CELF3: variants seen among roughly 807,000 people sequenced by gnomAD.
The protein encoded by CELF3 is CUGBP Elav-like family member 3, also known as CAG repeat domain.
In CELF3, 26 loss-of-function variants were observed where a neutral mutation model predicts 59.6. The observed-to-expected ratio is 0.44, with a 90% CI of 0.32 to 0.61. CELF3 has a LOEUF of 0.61. CELF3 is among the 20% of genes least tolerant of loss of function. The probability of loss-of-function intolerance (pLI) is 0.06; values close to 1 mark genes in which losing one functional copy is unlikely to be tolerated. For missense variants in CELF3, 387 were observed against 627.2 expected (o/e 0.62, Z 4.09); for synonymous variants, 245 against 250.7 (o/e 0.98, Z 0.22).
In CELF3 at chr1:151,709,848, C is replaced by T. The variant is rs1264650526; in HGVS notation, c.229-57G>A. 4.5e-6 allele frequency: 7 copies of T among 1,557,556 alleles called. No individual in the cohort carries two copies. The Admixed American group carries it at 1.2e-4, about 26-fold the overall frequency. ...GACCTCCTCTGAACACCCAAGAGCC[C>T]TCCCAGGCCAGGCCCTGCAGAGAGA... On this transcript the variant is annotated intron_variant, in intron 2 of 12. Transcript: ENST00000290583. The surrounding 1 kb of genome is among the most constrained non-coding windows in gnomAD (Gnocchi z 4.9).
Position 151,707,631 on chromosome 1 carries a change from C to T in CELF3, c.648G>A (p.Ala216=), listed in dbSNP as rs749415167. The T allele has an allele frequency of 3.6e-5, 58 of 1,606,678 alleles. No individual in the cohort carries two copies. The highest frequency in any genetic ancestry group is 6.6e-5 in the South Asian group (6 of 90,346). The change falls in exon 7 of 13, where the codon GCG becomes GCA. Residue 216 remains alanine (A), a synonymous_variant. Transcript: ENST00000290583. ...AGGCACTGTGAGCCGCTACCAGGGC[C>T]GCCTGCTGCTGCATCAGCTGGGGGG... ...AYTQALMQQQ[A]ALVAAHSAYL...
In CELF3 at chr1:151,707,263, C is replaced by A. The variant is rs138688122; in HGVS notation, c.804G>T (p.Thr268=). 8 of 1,568,502 alleles carry A rather than the reference C, an allele frequency of 5.1e-6. No individual in the cohort carries two copies. Among genetic ancestry groups the A allele is most frequent in the Admixed American group, 3.9e-5 (2 of 51,162 alleles). The change falls in exon 8 of 13, where the codon ACG becomes ACT. Residue 268 remains threonine, a synonymous_variant. Coordinates refer to ENST00000290583, the MANE Select transcript of CELF3 (RefSeq NM_007185.7). The part of the protein sequence containing the change: ...GTSTPPAIAA[T]PVSAIPAALG... ...GGGCAGCCGGAATGGCAGAGACAGG[C>A]GTGGCAGCGATGGCAGGAGGGGTGC...
rs1229428502 is a variant in CELF3, at chr1:151,705,175, T to A, written c.1271-7A>T. On this transcript the variant is annotated splice_polypyrimidine_tract_variant and splice_region_variant and intron_variant, in intron 11 of 12. Transcript: ENST00000290583. This position sits in a 1 kb window ranked among gnomAD's most constrained non-coding sequence, Gnocchi z 5.1. ...TTGTCGAAACTCACAAAGCCTGGGG[T>A]GAGAGGGGCATAAGGCCCGGCCCAG... 5.0e-6 allele frequency: 8 copies of A among 1,610,912 alleles called. No homozygotes were observed. Among genetic ancestry groups the A allele is most frequent in the Non-Finnish European group, 6.8e-6 (8 of 1,177,910 alleles).
In CELF3 at chr1:151,703,107, G is replaced by C; in HGVS notation, c.*352C>G. On this transcript the variant is annotated 3_prime_UTR_variant, in exon 13 of 13. Transcript: ENST00000290583. ...CCTGGGGCCTGCACGGGTAGAACAG[G>C]CCCACTGTTGGGGGAGGCAAGTACA... The C allele has an allele frequency of 2.2e-6, 1 of 456,920 alleles. No individual in the cohort carries two copies. The highest frequency in any genetic ancestry group is 4.4e-6 in the Non-Finnish European group (1 of 227,176). The allele number at this position is 456,920 out of a possible 1,614,324, so 28.3% of individuals were successfully genotyped here. A position where few individuals can be genotyped will look rare whatever the true frequency, so the allele number is the denominator to read the frequency against.
At position 151,706,214 on chromosome 1, in the gene CELF3, C is replaced by A; in HGVS notation, c.1126+10G>T. On this transcript the variant is annotated intron_variant, in intron 10 of 12. Transcript: ENST00000290583. ...AGGGCATTCCTGTCTCCCAAGGCCC[C>A]AGCCAGCACCTTCTCTTTGCTGCTG... The A allele has an allele frequency of 6.2e-7, 1 of 1,611,240 alleles. No homozygotes were observed. Among genetic ancestry groups the A allele is most frequent in the African/African-American group, 1.3e-5 (1 of 74,960 alleles).
rs1454144014 is a variant in CELF3 at position 151,703,387 on chromosome 1, G to GAGGGCC, written c.*66_*71dup. On this transcript the variant is annotated 3_prime_UTR_variant, in exon 13 of 13. Coordinates refer to ENST00000290583, the MANE Select transcript of CELF3 (RefSeq NM_007185.7). ...TCAAGGCCCAGGGCAGGTGTGCGGA[G>GAGGGCC]AGGGCCGGGGCCAGTCGTGGGAAGA... is the stretch of plus-strand genomic sequence containing the variant. 1 of 408,242 alleles carries GAGGGCC rather than the reference G, an allele frequency of 2.4e-6. No individual in the cohort carries two copies. Among genetic ancestry groups the GAGGGCC allele is most frequent in the Non-Finnish European group, 4.9e-6 (1 of 202,364 alleles). The allele number at this position is 408,242 out of a possible 1,614,324, so 25.3% of individuals were successfully genotyped here.
intron 2 of CELF3, among the ~76,000 whole-genome samples, chr1:151,713,239 C>T (rs575186199): frequency 6.6e-6 from 1 of 152,224 alleles, no homozygotes; most frequent in Non-Finnish European, 1.5e-5. Context: ...TCCTCACCCC[C>T]ACCCTGGGCT....
rs574023482 is a variant in CELF3 at position 151,709,569 on chromosome 1, G to A, written c.277+174C>T. ...ACCCTGGGCCTCAGTTTTGCCATCTGTACCCGCCCCAGATCTCACCCGCTC... is the reference window on the plus strand; with the variant it reads ...ACCCTGGGCCTCAGTTTTGCCATCTATACCCGCCCCAGATCTCACCCGCTC... On this transcript the variant is annotated intron_variant, in intron 3 of 12. Transcript: ENST00000290583. This position sits in a 1 kb window ranked among gnomAD's most constrained non-coding sequence, Gnocchi z 4.9. 18 of 917,090 alleles carry A rather than the reference G, an allele frequency of 2.0e-5. No homozygotes were observed. The South Asian group carries it at 2.3e-4, about 12-fold the overall frequency. The allele number at this position is 917,090 out of a possible 1,614,324, so 56.8% of individuals were successfully genotyped here.
rs1672452737 is a variant in CELF3, at chr1:151,705,712, T to C, written c.1270+110A>G. ...AAAATGGCTCTTTTGTACTCTTGGA[T>C]AATCAGTATTTCAAATACTGGGTCC... On this transcript the variant is annotated intron_variant, in intron 11 of 12. Transcript: ENST00000290583. The surrounding 1 kb of genome is among the most constrained non-coding windows in gnomAD (Gnocchi z 5.1). 8.2e-7 allele frequency: 1 copy of C among 1,218,720 alleles called. No individual in the cohort carries two copies. Among genetic ancestry groups the C allele is most frequent in the Non-Finnish European group, 1.2e-6 (1 of 859,352 alleles). 75.5% of individuals were successfully genotyped at this position (1,218,720 alleles called of 1,614,324 possible).
intron 2 of CELF3, among the ~76,000 whole-genome samples, chr1:151,712,898 C>T (rs112998982): frequency 5.3e-5 from 8 of 152,066 alleles, no homozygotes; most frequent in Admixed American, 2.6e-4. Flanking sequence ...CACACACATG[C>T]GTGTGCATGC....
intron 1 of CELF3, 194 bp downstream of exon 1, chr1:151,715,681 TC>T: frequency 6.5e-7 from 1 of 1,528,024 alleles, no homozygotes; most frequent in Non-Finnish European, 8.8e-7. Context: ...AAAGAGGCCC[TC>T]CTTAGTCCTT....
At chr1:151,706,801 G>T in intron 8 of CELF3, 67 bp from the exon 9 acceptor site, 1 of 1,264,018 alleles carries the variant, frequency 7.9e-7, no homozygotes, top group Non-Finnish European at 1.1e-6. Flanking sequence ...GTGCCTCTCT[G>T]GGCCTCTGGG....
Position 151,707,574 on chromosome 1 carries a change from C to A in CELF3, c.705G>T (p.Val235=). The part of the protein sequence containing the change: ...YLSPMATMAA[V]QMQHMAAINA... ...TGATGGCAGCCATGTGCTGCATCTG[C>A]ACGGCAGCCATGGTGGCCATGGGGC... Residue 235 remains valine (V), a synonymous_variant, in exon 7 of 13, where the codon GTG becomes GTT. Transcript: ENST00000290583. 1 of 1,609,480 alleles carries A rather than the reference C, an allele frequency of 6.2e-7. No homozygotes were observed.
Position 151,709,810 on chromosome 1 carries a change from G to C in CELF3, c.229-19C>G. The C allele has an allele frequency of 6.2e-7, 1 of 1,613,910 alleles. No homozygotes were observed. Among genetic ancestry groups the C allele is most frequent in the Non-Finnish European group, 8.5e-7 (1 of 1,179,770 alleles). The stretch of plus-strand genomic sequence containing the variant: ...TGTTCATCTGAAGGAGAGAAGAGAA[G>C]GCAGCTGCTGGGGACCTCCTCTGAA... On this transcript the variant is annotated intron_variant, in intron 2 of 12. Coordinates refer to ENST00000290583, the MANE Select transcript of CELF3 (RefSeq NM_007185.7). The surrounding 1 kb of genome is among the most constrained non-coding windows in gnomAD (Gnocchi z 4.9).
intron 2 of CELF3, chr1:151,714,323 T>C: frequency 1.7e-6 from 1 of 602,578 alleles, no homozygotes; most frequent in East Asian, 2.8e-5. Context: ...CCCTCTAGTG[T>C]TGCCCCATGG....
rs1458164859 is a variant in CELF3, at chr1:151,707,825, G to A, written c.597C>T (p.Leu199=). 2 of 1,613,870 alleles carry A rather than the reference G, an allele frequency of 1.2e-6. No individual in the cohort carries two copies. The highest frequency in any genetic ancestry group is 3.3e-5 in the Admixed American group (2 of 59,994). The part of the protein sequence containing the change: ...TQLGMFSPIA[L]QFGAYSAYTQ... ...TGTAGGCGCTGTAGGCTCCAAACTG[G>A]AGGGCGATGGGGCTGAACATGCCCA... Residue 199 remains leucine, a synonymous_variant, in exon 6 of 13, where the codon CTC becomes CTT. Coordinates refer to ENST00000290583, the MANE Select transcript of CELF3 (RefSeq NM_007185.7).
At chr1:151,706,548 G>T in intron 9 of CELF3, 121 bp downstream of exon 9, 1 of 1,266,052 alleles carries the variant, frequency 7.9e-7, no homozygotes, top group Non-Finnish European at 1.1e-6. Context: ...AGTTGGGCTT[G>T]TCAGTAAAGC....
chr1:151,715,540 C>T, intron 1 of CELF3: 1 of 1,134,960 alleles, frequency 8.8e-7, no homozygotes, highest in Non-Finnish European at 1.2e-6. Context: ...ACACACACCC[C>T]TACCCAGCTG....
chr1:151,713,702 ATG>A (rs1673215562), intron 2 of CELF3: 1 of 153,350 alleles, frequency 6.5e-6, no homozygotes, highest in Non-Finnish European at 1.5e-5. Flanking sequence ...ACACACGTGC[ATG>A]GCCCTTAACT....
Sources: gnomAD v4.1 joint callset for allele counts (sites outside exome capture counted in the v4.1 genomes callset) on GRCh38, gnomAD v4.1.1 for gene constraint, Gnocchi (gnomAD v3.1) non-coding constraint, MANE v1.5 for transcripts, NCBI Gene and HGNC (gene_info 2026-07-23, HGNC 2026-07-21) for gene names.